Variants in SDK1 observed in about 807,000 individuals in gnomAD.
The protein encoded by SDK1 is sidekick cell adhesion molecule 1.
In SDK1, 157 loss-of-function variants were observed where a neutral mutation model predicts 245.5. The observed-to-expected ratio is 0.64, with a 90% CI of 0.56 to 0.73. The LOEUF is 0.73. Ranked by LOEUF, SDK1 falls within the 30% of genes least tolerant of loss-of-function variation. SDK1 has a pLI of 0.00. For missense variants in SDK1, 3,583 were observed against 3,002.3 expected (o/e 1.19, Z -4.52); for synonymous variants, 1,647 against 1,278.5 (o/e 1.29, Z -6.15).
rs375093638 is a variant in SDK1 at position 3,625,461 on chromosome 7, CCTT to C, written c.458+6226_458+6228del. On this transcript the variant is annotated intron_variant, in intron 2 of 44. Transcript: ENST00000404826. ...AGTGGTGGAGACAAAGCTTGGCTCT[CCTT>C]CTTTGTTTGTGAATGTCATCCCAGG... is the stretch of plus-strand genomic sequence containing the variant. 2.5e-3 allele frequency among the ~76,000 whole-genome samples: 382 copies of C among 152,262 alleles called. 4 individuals carry two copies. Among genetic ancestry groups the C allele is most frequent in the African/African-American group, 8.9e-3 (370 of 41,562 alleles).
rs1788509304 is a variant in SDK1 at position 4,266,990 on chromosome 7, G to C, written c.*1606G>C. 2.0e-6 allele frequency: 2 copies of C among 985,472 alleles called. No homozygotes were observed. Among genetic ancestry groups the C allele is most frequent in the Non-Finnish European group, 2.4e-6 (2 of 830,042 alleles). The allele number at this position is 985,472 out of a possible 1,614,324, so 61.0% of individuals were successfully genotyped here. A position where few individuals can be genotyped will look rare whatever the true frequency, so the allele number is the denominator to read the frequency against. On this transcript the variant is annotated 3_prime_UTR_variant, in exon 45 of 45. Transcript: ENST00000404826. The stretch of plus-strand genomic sequence containing the variant: ...TCTCCTGGCCACATGCAGAAAGTGT[G>C]GCCCCTGCTTACCTAGATGTTTTGT...
chr7:3,361,117 G>GA (rs905259870), intron 1 of SDK1, among the ~76,000 whole-genome samples: 2 of 151,916 alleles, frequency 1.3e-5, no homozygotes, highest in African/African-American at 4.8e-5. Context: ...TAAATTCCTA[G>GA]AAAAAAATCT....
chr7:3,709,175 C>G (rs185716018), intron 4 of SDK1, among the ~76,000 whole-genome samples: 4 of 152,190 alleles, frequency 2.6e-5, no homozygotes, highest in African/African-American at 7.2e-5. Flanking sequence ...CTGAAAATTA[C>G]TTTATTTCTC....
intron 1 of SDK1, among the ~76,000 whole-genome samples, chr7:3,464,274 A>G (rs1190205761): frequency 1.3e-5 from 2 of 152,154 alleles, no homozygotes; most frequent in East Asian, 3.9e-4. Flanking sequence ...CTATAATCCT[A>G]ACACTTTCGG....
chr7:3,747,616 G>A (rs778210614), intron 4 of SDK1, among the ~76,000 whole-genome samples: 4 of 152,162 alleles, frequency 2.6e-5, no homozygotes, highest in Admixed American at 6.5e-5. Context: ...TGGGGCAAAG[G>A]GAAATAATCA....
intron 5 of SDK1, among the ~76,000 whole-genome samples, chr7:3,918,534 G>C (rs946834547): frequency 6.6e-6 from 1 of 152,110 alleles, no homozygotes; most frequent in Non-Finnish European, 1.5e-5. Flanking sequence ...CAAGCTCAAG[G>C]CTCCCACTGA....
Position 4,079,588 on chromosome 7 carries a change from C to G in SDK1, c.3324+4C>G, listed in dbSNP as rs772945093. ...CAGGTGGATTGTTGAGGGGCAGGTA[C>G]GTGTGTCGTTAGACTGGGAGCTGGC... is the stretch of plus-strand genomic sequence containing the variant. On this transcript the variant is annotated splice_donor_region_variant and intron_variant, in intron 22 of 44. Coordinates refer to ENST00000404826, the MANE Select transcript of SDK1 (RefSeq NM_152744.4). 3 of 1,613,936 alleles carry G rather than the reference C, an allele frequency of 1.9e-6. No individual in the cohort carries two copies. Among genetic ancestry groups the G allele is most frequent in the Non-Finnish European group, 2.5e-6 (3 of 1,179,954 alleles).
intron 15 of SDK1, 121 bp downstream of exon 15, chr7:4,011,234 G>A (rs927428760): frequency 1.4e-5 from 17 of 1,247,436 alleles, no homozygotes; most frequent in South Asian, 1.0e-4. Context: ...TCAGGGAGAC[G>A]GGACAAACCG....
In SDK1 at chr7:3,778,579, A is replaced by G. The variant is rs558740511; in HGVS notation, c.714-42871A>G. Among the ~76,000 whole-genome samples the G allele has an allele frequency of 3.9e-5, 6 of 152,342 alleles. No homozygotes were observed. The South Asian group carries it at 8.3e-4, about 21-fold the overall frequency. On this transcript the variant is annotated intron_variant, in intron 4 of 44. Transcript: ENST00000404826. Reference sequence around the variant, plus strand: ...ACATCTATATTTTTACACTGACAGCATAAGTGTATGTTTTGTATTTCATTG... The same window carrying G: ...ACATCTATATTTTTACACTGACAGCGTAAGTGTATGTTTTGTATTTCATTG...
chr7:3,501,712 A>G (rs1378316245), intron 1 of SDK1, among the ~76,000 whole-genome samples: 1 of 152,160 alleles, frequency 6.6e-6, no homozygotes, highest in African/African-American at 2.4e-5. Flanking sequence ...CTGGTCCATA[A>G]TTATCATAAT....
chr7:3,406,393 C>G (rs1779056557), intron 1 of SDK1, among the ~76,000 whole-genome samples: 1 of 152,112 alleles, frequency 6.6e-6, no homozygotes, highest in Non-Finnish European at 1.5e-5. Context: ...TGTGGAGTTA[C>G]TCGTTGTGTC....
At chr7:3,356,806 C>T (rs948255775) in intron 1 of SDK1, among the ~76,000 whole-genome samples, 4 of 151,894 alleles carry the variant, frequency 2.6e-5, no homozygotes, top group African/African-American at 9.7e-5. Flanking sequence ...GCCTGTAATC[C>T]CAGCACTTTG....
intron 28 of SDK1, among the ~76,000 whole-genome samples, chr7:4,133,255 T>C (rs1223861422): frequency 1.3e-5 from 2 of 152,234 alleles, no homozygotes; most frequent in Non-Finnish European, 2.9e-5. Context: ...ATGAAAAGCC[T>C]GAATTTTTCC....
At chr7:3,462,760 C>G (rs534462546) in intron 1 of SDK1, among the ~76,000 whole-genome samples, 1 of 152,238 alleles carries the variant, frequency 6.6e-6, no homozygotes, top group East Asian at 1.9e-4. Flanking sequence ...TGCCGCCATC[C>G]TAATGCAAGC....
At chr7:4,205,150 T>G (rs1383832531) in intron 35 of SDK1, among the ~76,000 whole-genome samples, 1 of 152,120 alleles carries the variant, frequency 6.6e-6, no homozygotes, top group Non-Finnish European at 1.5e-5. Context: ...CCTCAGAACG[T>G]GAAGCCAGAG....
At chr7:3,320,396 T>G (rs578148892) in intron 1 of SDK1, among the ~76,000 whole-genome samples, 1 of 152,166 alleles carries the variant, frequency 6.6e-6, no homozygotes, top group Admixed American at 6.5e-5. Flanking sequence ...AGAACTCATG[T>G]TACTATAGTA....
At chr7:3,720,638 A>C (rs550535470) in intron 4 of SDK1, among the ~76,000 whole-genome samples, 2 of 152,332 alleles carry the variant, frequency 1.3e-5, no homozygotes, top group South Asian at 4.1e-4. Flanking sequence ...GTGGGAATGT[A>C]ACCTGGTACA....
At chr7:3,450,005 C>T (rs565370065) in intron 1 of SDK1, among the ~76,000 whole-genome samples, 2 of 152,308 alleles carry the variant, frequency 1.3e-5, no homozygotes, top group East Asian at 1.9e-4. Flanking sequence ...GAAGTGGTCA[C>T]ATCGGAGCTG....
chr7:3,509,950 G>A (rs372667779), intron 1 of SDK1, among the ~76,000 whole-genome samples: 25 of 152,270 alleles, frequency 1.6e-4, no homozygotes, highest in African/African-American at 5.1e-4. Flanking sequence ...CTCATTAAAT[G>A]AAGGTCTCCG....
Sources: allele counts gnomAD v4.1 joint callset (sites outside exome capture counted in the v4.1 genomes callset), GRCh38; gene constraint gnomAD v4.1.1; transcripts MANE v1.5; gene names NCBI Gene and HGNC (gene_info 2026-07-23, HGNC 2026-07-21).